PNKD: variants seen among roughly 807,000 people sequenced by gnomAD.
PNKD encodes the protein PNKD metallo-beta-lactamase domain containing.
Under a neutral mutation model 45.3 loss-of-function variants are expected in PNKD, and 36 were observed. That is an observed-to-expected ratio of 0.80 (90% confidence interval 0.61 to 1.05). The LOEUF is 1.05. PNKD is among the 50% of genes least tolerant of loss of function. The probability of loss-of-function intolerance (pLI) is 0.00; values close to 1 mark genes in which losing one functional copy is unlikely to be tolerated. For missense variants in PNKD, 511 were observed against 506.6 expected, an observed-to-expected ratio of 1.01 and a Z score of -0.08; for synonymous variants, 197 against 210.1, an observed-to-expected ratio of 0.94 and a Z score of 0.54.
At chr2:218,276,899 G>A (rs1691272299) in intron 2 of PNKD, 8 of 900,548 alleles carry the variant, frequency 8.9e-6, no homozygotes, top group Non-Finnish European at 1.4e-5. Flanking sequence ...GGTTCTGGAG[G>A]TCAGAGCCTG....
intron 2 of PNKD, among the ~76,000 whole-genome samples, chr2:218,332,463 G>C (rs1209083327): frequency 6.6e-6 from 1 of 152,172 alleles, no homozygotes; most frequent in African/African-American, 2.4e-5. Flanking sequence ...GTGGCTTAGA[G>C]AGTCCTGTGG....
chr2:218,275,834 A>G (rs1389452120), intron 2 of PNKD, among the ~76,000 whole-genome samples: 1 of 152,242 alleles, frequency 6.6e-6, no homozygotes, highest in Non-Finnish European at 1.5e-5. Context: ...TAGTGTTCTA[A>G]TAGCAGGCAG....
At chr2:218,333,575 G>A (rs1411193449) in intron 2 of PNKD, among the ~76,000 whole-genome samples, 1 of 152,120 alleles carries the variant, frequency 6.6e-6, no homozygotes, top group Non-Finnish European at 1.5e-5. Flanking sequence ...CAGTCCTTCG[G>A]GGTAAGTCAC....
At chr2:218,287,815 G>A (rs992080833) in intron 2 of PNKD, among the ~76,000 whole-genome samples, 8 of 152,168 alleles carry the variant, frequency 5.3e-5, no homozygotes, top group Admixed American at 3.9e-4. Flanking sequence ...CATGGAGACC[G>A]AGGGGTGGCT....
At chr2:218,277,047 A>G in intron 2 of PNKD, 3 of 1,614,206 alleles carry the variant, frequency 1.9e-6, no homozygotes, top group Non-Finnish European at 2.5e-6. Flanking sequence ...CCCAGTCACC[A>G]GGAGCACAAT....
At chr2:218,275,759 C>T (rs1362141167) in intron 2 of PNKD, 7 of 1,100,856 alleles carry the variant, frequency 6.4e-6, no homozygotes, top group Non-Finnish European at 9.0e-6. Flanking sequence ...AACATATGGG[C>T]TCTATACTGT....
In PNKD at chr2:218,340,190, T is replaced by TCCA; in HGVS notation, c.465+49_465+50insCCA. The TCCA allele has an allele frequency of 8.3e-7, 1 of 1,204,076 alleles. No homozygotes were observed. Among genetic ancestry groups the TCCA allele is most frequent in the Non-Finnish European group, 1.2e-6 (1 of 811,070 alleles). The allele number at this position is 1,204,076 out of a possible 1,614,324, so 74.6% of individuals were successfully genotyped here. Reference sequence around the variant, plus strand: ...GGGTGCCTGGAGTCACCTTGGGGACTGGCAGTTTCGCCTTGCTAGAGAGGG... The same window carrying TCCA: ...GGGTGCCTGGAGTCACCTTGGGGACTCCAGGCAGTTTCGCCTTGCTAGAGAGGG... On this transcript the variant is annotated intron_variant, in intron 4 of 9. Coordinates refer to ENST00000273077, the MANE Select transcript of PNKD (RefSeq NM_015488.5). This position sits in a 1 kb window ranked among gnomAD's most constrained non-coding sequence, Gnocchi z 4.2.
chr2:218,306,444 T>C (rs1285731050), intron 2 of PNKD, among the ~76,000 whole-genome samples: 1 of 152,152 alleles, frequency 6.6e-6, no homozygotes, highest in Non-Finnish European at 1.5e-5. Context: ...AGATCAATAA[T>C]ATCAAGGAAC....
chr2:218,276,312 G>A (rs1360276074), intron 2 of PNKD, among the ~76,000 whole-genome samples: 1 of 152,224 alleles, frequency 6.6e-6, no homozygotes, highest in Non-Finnish European at 1.5e-5. Context: ...TCCAAAGCCA[G>A]TCAAGGTACA....
At chr2:218,324,992 A>ATTT (rs1559525909) in intron 2 of PNKD, among the ~76,000 whole-genome samples, 2 of 111,346 alleles carry the variant, frequency 1.8e-5, no homozygotes, top group African/African-American at 7.6e-5. Flanking sequence ...TATCTAAATA[A>ATTT]TTTTCTTTTT....
chr2:218,278,798 A>T (rs1041934166), intron 2 of PNKD, among the ~76,000 whole-genome samples: 2 of 152,226 alleles, frequency 1.3e-5, no homozygotes. Flanking sequence ...CTGAGAGGAC[A>T]TGGGGGCTGC....
At chr2:218,303,040 A>T (rs1456877250) in intron 2 of PNKD, among the ~76,000 whole-genome samples, 1 of 152,082 alleles carries the variant, frequency 6.6e-6, no homozygotes, top group African/African-American at 2.4e-5. Context: ...GCCAGGTTCA[A>T]GTGATTCTTC....
intron 2 of PNKD, among the ~76,000 whole-genome samples, chr2:218,305,968 T>C (rs554614080): frequency 1.5e-4 from 23 of 152,328 alleles, no homozygotes; most frequent in African/African-American, 5.1e-4. Flanking sequence ...AGATTGAGAA[T>C]TGGACCTTCA....
intron 7 of PNKD, among the ~76,000 whole-genome samples, chr2:218,342,957 ACT>A (rs139156566): frequency 7.0e-4 from 106 of 152,230 alleles, no homozygotes; most frequent in African/African-American, 2.2e-3. Flanking sequence ...CAACAATGAG[ACT>A]CTGTCTCAAA....
intron 2 of PNKD, among the ~76,000 whole-genome samples, chr2:218,281,273 T>G (rs1210635372): frequency 2.6e-5 from 4 of 151,660 alleles, no homozygotes; most frequent in Non-Finnish European, 2.9e-5. Flanking sequence ...GTAGCTGGGA[T>G]TACAGGTGCA....
At chr2:218,324,297 G>A (rs1694081109) in intron 2 of PNKD, among the ~76,000 whole-genome samples, 1 of 152,216 alleles carries the variant, frequency 6.6e-6, no homozygotes, top group African/African-American at 2.4e-5. Flanking sequence ...TAATGTTGGG[G>A]ATGGGAATTG....
chr2:218,323,424 C>G, intron 2 of PNKD: 1 of 1,565,056 alleles, frequency 6.4e-7, no homozygotes, highest in Admixed American at 1.8e-5. Context: ...GCTGCTCTTC[C>G]GAATCGGGTT....
At chr2:218,276,693 C>T (rs928294612) in intron 2 of PNKD, among the ~76,000 whole-genome samples, 4 of 152,234 alleles carry the variant, frequency 2.6e-5, no homozygotes, top group Non-Finnish European at 4.4e-5. Context: ...CTCTGGGTTC[C>T]TCTCCCAGTC....
At chr2:218,313,113 T>C (rs1490558651) in intron 2 of PNKD, among the ~76,000 whole-genome samples, 1 of 151,780 alleles carries the variant, frequency 6.6e-6, no homozygotes, top group Non-Finnish European at 1.5e-5. Context: ...TATACAATTT[T>C]TTTTTTTTTG....
Sources: allele counts gnomAD v4.1 joint callset (sites outside exome capture counted in the v4.1 genomes callset), GRCh38; gene constraint gnomAD v4.1.1; non-coding constraint Gnocchi (gnomAD v3.1); transcripts MANE v1.5; gene names NCBI Gene and HGNC (gene_info 2026-07-23, HGNC 2026-07-21).